The following ITGA11 variants were observed in gnomAD, a reference collection of about 807,000 sequenced individuals.
ITGA11 encodes the protein integrin alpha-11.
ITGA11 carries 97 observed loss-of-function variants against 141.9 expected under a neutral mutation model. That is an observed-to-expected ratio of 0.68 (90% CI 0.58 to 0.81). ITGA11 has a LOEUF of 0.81. ITGA11 is among the 30% of genes least tolerant of loss of function. ITGA11 has a pLI of 0.00. For missense variants in ITGA11, 1,387 were observed against 1,559.2 expected (o/e 0.89, Z 1.86); for synonymous variants, 658 against 624.6 (o/e 1.05, Z -0.80).
rs973601370 is a variant in ITGA11, at chr15:68,326,803, G to C, written c.2069-7C>G. The C allele has an allele frequency of 6.4e-7, 1 of 1,573,708 alleles. No homozygotes were observed. Among genetic ancestry groups the C allele is most frequent in the Non-Finnish European group, 8.6e-7 (1 of 1,158,802 alleles). On this transcript the variant is annotated splice_region_variant and splice_polypyrimidine_tract_variant and intron_variant, in intron 16 of 29. Transcript: ENST00000315757. This position sits in a 1 kb window ranked among gnomAD's most constrained non-coding sequence, Gnocchi z 6.8. ...GTGGCGTTGTATCTGATGCCTGCAG[G>C]AGGGGAGAGGGCAAGACCACAAAGG...
chr15:68,314,760 C>T (rs1006075072), intron 22 of ITGA11, among the ~76,000 whole-genome samples: 3 of 152,204 alleles, frequency 2.0e-5, no homozygotes, highest in African/African-American at 7.2e-5. Flanking sequence ...AGAATTCTAC[C>T]AGGATGCACA....
At chr15:68,345,821 T>A (rs2140324010) in intron 10 of ITGA11, among the ~76,000 whole-genome samples, 1 of 152,290 alleles carries the variant, frequency 6.6e-6, no homozygotes, top group Non-Finnish European at 1.5e-5. Context: ...GGAGTTGGAC[T>A]CCTGGGGACA....
At position 68,359,973 on chromosome 15, in the gene ITGA11, A is replaced by G. The variant is rs532718954; in HGVS notation, c.473-1388T>C. ...TTCGAAGAGGCACTATGTTGAAGTC[A>G]GTGCTGAGCAGACAGAGGAAGGTGG... On this transcript the variant is annotated intron_variant, in intron 5 of 29. Transcript: ENST00000315757. 5.3e-5 allele frequency among the ~76,000 whole-genome samples: 8 copies of G among 152,364 alleles called. No individual in the cohort carries two copies. In the East Asian group the frequency reaches 1.5e-3, roughly 29 times the overall value.
At chr15:68,375,263 CT>C (rs1450942598) in intron 2 of ITGA11, among the ~76,000 whole-genome samples, 1 of 152,198 alleles carries the variant, frequency 6.6e-6, no homozygotes, top group East Asian at 1.9e-4. Flanking sequence ...CTCCATTTTC[CT>C]TTTCTGAAAT....
At position 68,346,763 on chromosome 15, in the gene ITGA11, T is replaced by C. The variant is rs533072389; in HGVS notation, c.1131+2067A>G. On this transcript the variant is annotated intron_variant, in intron 10 of 29. Coordinates refer to ENST00000315757, the MANE Select transcript of ITGA11 (RefSeq NM_001004439.2). The stretch of plus-strand genomic sequence containing the variant: ...GGGGCAGCTCGAGTGCCAAGCCCTC[T>C]CCGGATCTTTCCCTGACCACCCCTT... 1.5e-4 allele frequency among the ~76,000 whole-genome samples: 23 copies of C among 152,314 alleles called. No homozygotes were observed. In the South Asian group the frequency reaches 4.4e-3, roughly 29 times the overall value.
At chr15:68,361,138 G>A (rs1895230936) in intron 5 of ITGA11, among the ~76,000 whole-genome samples, 1 of 152,138 alleles carries the variant, frequency 6.6e-6, no homozygotes, top group African/African-American at 2.4e-5. Context: ...CACTGATTTG[G>A]TGGAACTACT....
rs1220193279 is a variant in ITGA11 at position 68,322,836 on chromosome 15, T to G, written c.2323-1333A>C. Among the ~76,000 whole-genome samples the G allele has an allele frequency of 1.0e-4, 15 of 144,294 alleles. No homozygotes were observed. The highest frequency in any genetic ancestry group is 2.3e-4 in the South Asian group (1 of 4,426). 94.7% of individuals were successfully genotyped at this position (144,294 alleles called of 152,430 possible). On this transcript the variant is annotated intron_variant, in intron 18 of 29. Transcript: ENST00000315757. The surrounding 1 kb of genome is among the most constrained non-coding windows in gnomAD (Gnocchi z 5.6). ...TCGTGCCACTACACTCCAACCTGGG[T>G]GACAGAGGGAGATACCATTTCAAAA...
intron 20 of ITGA11, 98 bp downstream of exon 20, chr15:68,320,087 G>T: frequency 9.6e-7 from 1 of 1,044,406 alleles, no homozygotes; most frequent in Non-Finnish European, 1.4e-6. Flanking sequence ...ACTGCATCCA[G>T]CTTTCTTGTG....
At chr15:68,416,942 G>A (rs1419110173) in intron 1 of ITGA11, among the ~76,000 whole-genome samples, 1 of 152,126 alleles carries the variant, frequency 6.6e-6, no homozygotes, top group Non-Finnish European at 1.5e-5. Context: ...AAGGGTCACA[G>A]TTTTTTATGA....
At position 68,311,338 on chromosome 15, in the gene ITGA11, G is replaced by A. The variant is rs775994765; in HGVS notation, c.3039C>T (p.Thr1013=). The change falls in exon 25 of 30, where the codon ACC becomes ACT. Residue 1013 remains threonine, a synonymous_variant. Transcript: ENST00000315757. ...GCTTCAGTAGGCGGTTGCCGCTCCT[G>A]GTGGCGATGGGAATGGTGATCTTCA... ...MMMKITIPIA[T]RSGNRLLKLR... The A allele has an allele frequency of 6.3e-6, 10 of 1,578,954 alleles. No individual in the cohort carries two copies. The African/African-American group carries it at 9.4e-5, about 15-fold the overall frequency.
At position 68,369,278 on chromosome 15, in the gene ITGA11, G is replaced by A. The variant is rs771003212; in HGVS notation, c.171C>T (p.Val57=). The A allele has an allele frequency of 1.9e-6, 3 of 1,609,844 alleles. No individual in the cohort carries two copies. The highest frequency in any genetic ancestry group is 2.2e-5 in the East Asian group (1 of 44,596). Reference sequence around the variant, plus strand: ...CATTGGTTTCCAGTGGGGCGCCCACGACCAGCCTGGGAAGGAAGAGAAGAT... The same window carrying A: ...CATTGGTTTCCAGTGGGGCGCCCACAACCAGCCTGGGAAGGAAGAGAAGAT... ...QHDISGNKWL[V]VGAPLETNGY... Residue 57 remains valine, a synonymous_variant, in exon 3 of 30, where the codon GTC becomes GTT. Coordinates refer to ENST00000315757, the MANE Select transcript of ITGA11 (RefSeq NM_001004439.2).
rs769468685 is a variant in ITGA11, at chr15:68,328,222, C to T, written c.1942G>A (p.Glu648Lys). 2.5e-6 allele frequency: 4 copies of T among 1,613,786 alleles called. No homozygotes were observed. The highest frequency in any genetic ancestry group is 1.3e-5 in the African/African-American group (1 of 75,006). The part of the protein sequence containing the change: ...VVQINASLHF[E>K]PSKINIFHRD... ...TGGAAGATGTTGATCTTGGATGGCT[C>T]AAAGTGGAGGCTGGCATTGATCTGA... Residue 648 changes from glutamate (E) to lysine (K), a missense_variant, in exon 16 of 30, where the codon GAG becomes AAG. By Grantham distance (56) the Glu-to-Lys change is moderately conservative (BLOSUM62 1). Coordinates refer to ENST00000315757, the MANE Select transcript of ITGA11 (RefSeq NM_001004439.2). The surrounding 1 kb of genome is among the most constrained non-coding windows in gnomAD (Gnocchi z 4.8).
Position 68,325,146 on chromosome 15 carries a change from G to C in ITGA11, c.2307C>G (p.Thr769=). 1 of 1,613,658 alleles carries C rather than the reference G, an allele frequency of 6.2e-7. No homozygotes were observed. The highest frequency in any genetic ancestry group is 1.1e-5 in the South Asian group (1 of 91,054). ...CGAGATGTACCGAGACTCTGAGAGT[G>C]GTGGGCCAGCCGTCGTCCAGCATGG... ...HGPMLDDGWP[T]TLRVSVPFWN... Residue 769 remains threonine (T), a synonymous_variant, in exon 18 of 30, where the codon ACC becomes ACG. Transcript: ENST00000315757. The surrounding 1 kb of genome is among the most constrained non-coding windows in gnomAD (Gnocchi z 5.5).
chr15:68,354,619 G>A (rs748499673), intron 7 of ITGA11, among the ~76,000 whole-genome samples: 18 of 152,156 alleles, frequency 1.2e-4, no homozygotes, highest in Non-Finnish European at 4.4e-5. Context: ...TGTGTGGCAC[G>A]TCTTCTGTTC....
chr15:68,404,059 C>T (rs568104733), intron 1 of ITGA11, among the ~76,000 whole-genome samples: 1 of 152,268 alleles, frequency 6.6e-6, no homozygotes, highest in East Asian at 1.9e-4. Context: ...TCACTCCTTC[C>T]TCCCATCTGC....
At chr15:68,363,963 C>A (rs1458933473) in intron 4 of ITGA11, among the ~76,000 whole-genome samples, 1 of 152,208 alleles carries the variant, frequency 6.6e-6, no homozygotes, top group Non-Finnish European at 1.5e-5. Flanking sequence ...TCTCTTTCCA[C>A]CACAGTGTAA....
chr15:68,393,405 C>G lies in ITGA11; in HGVS notation c.164+9513G>C, dbSNP rs1012542106. On this transcript the variant is annotated intron_variant, in intron 2 of 29. Coordinates refer to ENST00000315757, the MANE Select transcript of ITGA11 (RefSeq NM_001004439.2). ...TTGGAAACCCTATGCAGAACAAATA[C>G]AACAAAACTACATTTAGATACATCA... Among the ~76,000 whole-genome samples, 11 of 152,054 alleles carry G rather than the reference C, an allele frequency of 7.2e-5. No homozygotes were observed. The South Asian group carries it at 8.3e-4, about 11-fold the overall frequency.
At chr15:68,361,512 A>G in intron 5 of ITGA11, 78 bp downstream of exon 5, 1 of 911,502 alleles carries the variant, frequency 1.1e-6, no homozygotes, top group Admixed American at 2.0e-5. Context: ...TTCTAGCCAC[A>G]GGTTGTTGTG....
rs544505535 is a variant in ITGA11, at chr15:68,333,242, G to A, written c.1426-764C>T. On this transcript the variant is annotated intron_variant, in intron 12 of 29. Coordinates refer to ENST00000315757, the MANE Select transcript of ITGA11 (RefSeq NM_001004439.2). The surrounding 1 kb of genome is among the most constrained non-coding windows in gnomAD (Gnocchi z 4.2). ...AGCCTCCTGAGTAGCTGGGACCACA[G>A]GCACTTACCACCGCTCCTGGCTGTT... 2.6e-5 allele frequency among the ~76,000 whole-genome samples: 4 copies of A among 152,092 alleles called. No individual in the cohort carries two copies. In the South Asian group the frequency reaches 8.3e-4, roughly 32 times the overall value.
Sources: allele counts gnomAD v4.1 joint callset (sites outside exome capture counted in the v4.1 genomes callset), GRCh38; gene constraint gnomAD v4.1.1; non-coding constraint Gnocchi (gnomAD v3.1); transcripts MANE v1.5; gene names NCBI Gene and HGNC (gene_info 2026-07-23, HGNC 2026-07-21).